The following UQCC1 variants were observed in gnomAD, a reference collection of about 807,000 sequenced individuals.
UQCC1 encodes the protein ubiquinol-cytochrome c reductase complex assembly factor 1.
In UQCC1, 38 loss-of-function variants were observed where a neutral mutation model predicts 48.0. The observed-to-expected ratio is 0.79, with a 90% CI of 0.61 to 1.04. The LOEUF (loss-of-function observed/expected upper bound fraction) is 1.04, where lower values mean the gene tolerates loss of function less well. Among genes scored for constraint, UQCC1 ranks in the 50% least tolerant of loss-of-function variants. The pLI is 0.00. For synonymous variants in UQCC1, 111 were observed against 129.2 expected (o/e 0.86, Z 0.95); for missense variants, 368 against 381.8 (o/e 0.96, Z 0.30).
chr20:35,387,341 AG>A (rs2061956899), intron 2 of UQCC1, among the ~76,000 whole-genome samples: 1 of 152,130 alleles, frequency 6.6e-6, no homozygotes, highest in Admixed American at 6.6e-5. Context: ...AGAAGTAGAA[AG>A]GGGGTGCTGG....
intron 6 of UQCC1, 151 bp from the exon 7 acceptor site, chr20:35,347,423 A>C (rs758140631): frequency 7.1e-6 from 6 of 841,628 alleles, no homozygotes; most frequent in Non-Finnish European, 9.1e-6. Context: ...TTTTACTGAG[A>C]TATAACAAAG....
chr20:35,359,255 A>G (rs1380502411), intron 6 of UQCC1, among the ~76,000 whole-genome samples: 7 of 152,220 alleles, frequency 4.6e-5, no homozygotes, highest in Non-Finnish European at 1.0e-4. Context: ...TCCCCGTTTC[A>G]CAGAAAAGAA....
chr20:35,355,884 CTTTTTTTT>C (rs35947113), intron 6 of UQCC1, among the ~76,000 whole-genome samples: 3 of 140,306 alleles, frequency 2.1e-5, no homozygotes, highest in Non-Finnish European at 3.1e-5. Flanking sequence ...CACATACTAT[CTTTTTTTT>C]TTTTTTTTTG....
intron 6 of UQCC1, among the ~76,000 whole-genome samples, chr20:35,353,451 A>G (rs2061513328): frequency 6.6e-6 from 1 of 151,928 alleles, no homozygotes; most frequent in East Asian, 1.9e-4. Flanking sequence ...TGTTACAGTA[A>G]GTTAAGTTTA....
At chr20:35,381,586 G>A (rs1325458421) in intron 4 of UQCC1, among the ~76,000 whole-genome samples, 1 of 152,192 alleles carries the variant, frequency 6.6e-6, no homozygotes, top group African/African-American at 2.4e-5. Context: ...TTACTTGGGA[G>A]GTTCTGGCAG....
chr20:35,344,505 C>T (rs2061412434), intron 7 of UQCC1: 1 of 152,268 alleles, frequency 6.6e-6, no homozygotes, highest in Admixed American at 6.5e-5. Flanking sequence ...GCGCAACTGC[C>T]TGGCAGTCAG....
At chr20:35,327,353 T>G (rs767942211) in intron 7 of UQCC1, among the ~76,000 whole-genome samples, 7 of 152,212 alleles carry the variant, frequency 4.6e-5, no homozygotes, top group Non-Finnish European at 1.0e-4. Context: ...TTCAGAGCTG[T>G]ACAATTGCCA....
intron 1 of UQCC1, among the ~76,000 whole-genome samples, chr20:35,401,658 C>CTT (rs142034321): frequency 0.018 from 2,170 of 117,914 alleles, 78 homozygotes; most frequent in African/African-American, 0.042. Flanking sequence ...TGAAATCCAC[C>CTT]TTTTTTTTTT....
At chr20:35,405,231 A>G (rs1440341007) in intron 1 of UQCC1, among the ~76,000 whole-genome samples, 1 of 152,228 alleles carries the variant, frequency 6.6e-6, no homozygotes, top group Non-Finnish European at 1.5e-5. Context: ...ACAGAAATTT[A>G]AAGAAATTTG....
intron 1 of UQCC1, among the ~76,000 whole-genome samples, chr20:35,406,932 T>C (rs1212795385): frequency 6.6e-6 from 1 of 152,194 alleles, no homozygotes; most frequent in Non-Finnish European, 1.5e-5. Context: ...TGAATTAAGA[T>C]GTTCATTGTA....
chr20:35,352,608 A>G (rs2061501415), intron 6 of UQCC1, among the ~76,000 whole-genome samples: 1 of 152,196 alleles, frequency 6.6e-6, no homozygotes, highest in Non-Finnish European at 1.5e-5. Context: ...TGGAGCAGAA[A>G]AATTCCTATC....
chr20:35,364,214 G>A (rs1039816617), intron 6 of UQCC1, among the ~76,000 whole-genome samples: 1 of 152,034 alleles, frequency 6.6e-6, no homozygotes. Context: ...ACTCTTCGTG[G>A]TGCATCTCAA....
Position 35,380,783 on chromosome 20 carries a change from T to C in UQCC1, c.333+1135A>G, listed in dbSNP as rs926664473. On this transcript the variant is annotated intron_variant, in intron 4 of 9. Coordinates refer to ENST00000374385, the MANE Select transcript of UQCC1 (RefSeq NM_018244.5). ...TGAAAGAGAGAAATGGTATTACAGGTTGAGTATTCCTTATCTGAAACGTGT... is the reference window on the plus strand; with the variant it reads ...TGAAAGAGAGAAATGGTATTACAGGCTGAGTATTCCTTATCTGAAACGTGT... Among the ~76,000 whole-genome samples, 6 of 152,142 alleles carry C rather than the reference T, an allele frequency of 3.9e-5. 1 individual carries two copies. The highest frequency in any genetic ancestry group is 1.4e-4 in the African/African-American group (6 of 41,422).
chr20:35,326,413 A>G (rs1432547263), intron 7 of UQCC1, among the ~76,000 whole-genome samples: 2 of 152,230 alleles, frequency 1.3e-5, no homozygotes, highest in Non-Finnish European at 2.9e-5. Context: ...GTATGATTTT[A>G]GCAATCACCA....
chr20:35,331,770 C>T (rs2061259889), intron 7 of UQCC1, among the ~76,000 whole-genome samples: 1 of 152,276 alleles, frequency 6.6e-6, no homozygotes, highest in South Asian at 2.1e-4. Context: ...GGATCTTTGT[C>T]CTCCAGAAAG....
intron 8 of UQCC1, among the ~76,000 whole-genome samples, chr20:35,312,125 G>A (rs2061001365): frequency 6.6e-6 from 1 of 152,194 alleles, no homozygotes; most frequent in Non-Finnish European, 1.5e-5. Context: ...AAGGCTCACA[G>A]AGAGGTGTAG....
chr20:35,357,514 G>A (rs1399491355), intron 6 of UQCC1, among the ~76,000 whole-genome samples: 5 of 4,846 alleles, frequency 1.0e-3, no homozygotes, highest in South Asian at 0.016. Context: ...GCAAGACTCC[G>A]TCTCAAAAAA....
At chr20:35,398,738 A>C (rs2062116562) in intron 1 of UQCC1, among the ~76,000 whole-genome samples, 1 of 92,082 alleles carries the variant, frequency 1.1e-5, no homozygotes, top group Non-Finnish European at 2.0e-5. Context: ...ACTGCTTCAG[A>C]TTCAGGGCCA....
intron 1 of UQCC1, among the ~76,000 whole-genome samples, chr20:35,406,530 A>G (rs2062253171): frequency 6.6e-6 from 1 of 152,234 alleles, no homozygotes; most frequent in Non-Finnish European, 1.5e-5. Flanking sequence ...GAAGGAAAAA[A>G]TGAAGATTTC....
Sources: gnomAD v4.1 joint callset for allele counts (sites outside exome capture counted in the v4.1 genomes callset) on GRCh38, gnomAD v4.1.1 for gene constraint, MANE v1.5 for transcripts, NCBI Gene and HGNC (gene_info 2026-07-23, HGNC 2026-07-21) for gene names.